Variants in AOPEP observed in about 807,000 individuals in gnomAD.
AOPEP encodes aminopeptidase O.
A neutral mutation model predicts 98.1 loss-of-function variants in AOPEP; 77 were observed. The ratio of observed to expected loss-of-function variants is 0.78; its 90% CI spans 0.65 to 0.95. AOPEP has a LOEUF of 0.95. Ranked by LOEUF, AOPEP falls within the 40% of genes least tolerant of loss-of-function variation. The pLI is 0.00. For missense variants in AOPEP, 1,024 were observed against 1,024.7 expected, an observed-to-expected ratio of 1.00 and a Z score of 0.01; for synonymous variants, 346 against 365.3, an observed-to-expected ratio of 0.95 and a Z score of 0.60.
At chr9:94,762,274 T>G (rs1006696678) in intron 2 of AOPEP, among the ~76,000 whole-genome samples, 1 of 151,728 alleles carries the variant, frequency 6.6e-6, no homozygotes, top group East Asian at 2.0e-4. Flanking sequence ...GGTGAAACCC[T>G]GTCTCTACTA....
chr9:94,822,493 C>T (rs1166464626), intron 5 of AOPEP, among the ~76,000 whole-genome samples: 1 of 152,222 alleles, frequency 6.6e-6, no homozygotes, highest in Non-Finnish European at 1.5e-5. Flanking sequence ...ATCTGATTAC[C>T]TCATGCTGAA....
At chr9:95,044,115 C>A (rs549539257) in intron 13 of AOPEP, among the ~76,000 whole-genome samples, 156 of 152,132 alleles carry the variant, frequency 1.0e-3, no homozygotes, top group African/African-American at 3.7e-3. Flanking sequence ...GCAGAGCTGC[C>A]GAGGTTAAGC....
At position 94,938,864 on chromosome 9, in the gene AOPEP, G is replaced by C. The variant is rs541195355; in HGVS notation, c.1661+10333G>C. 3.9e-5 allele frequency among the ~76,000 whole-genome samples: 6 copies of C among 152,326 alleles called. No homozygotes were observed. In the East Asian group the frequency reaches 9.6e-4, roughly 24 times the overall value. ...AGAGAACAGATGGAATCAGGTGGCT[G>C]TGTGAGGAACAGAGGCATAAGTTCG... On this transcript the variant is annotated intron_variant, in intron 7 of 16. Transcript: ENST00000375315.
intron 3 of AOPEP, among the ~76,000 whole-genome samples, chr9:94,774,175 G>T (rs867529192): frequency 1.3e-5 from 2 of 151,932 alleles, no homozygotes; most frequent in Non-Finnish European, 2.9e-5. Context: ...AGCCGGGCGT[G>T]GGGGCGGTTG....
chr9:95,093,733 C>T, the AOPEP span, among the ~76,000 whole-genome samples: 1 of 152,124 alleles, frequency 6.6e-6, no homozygotes, highest in Non-Finnish European at 1.5e-5. Context: ...ACAGTGTTCA[C>T]ACGGGTCTAG....
intron 5 of AOPEP, among the ~76,000 whole-genome samples, chr9:94,844,791 C>T (rs2042658750): frequency 6.6e-6 from 1 of 152,136 alleles, no homozygotes; most frequent in Non-Finnish European, 1.5e-5. Context: ...ATGGTCTGTT[C>T]CTAGGGTTGC....
chr9:94,999,734 A>G (rs957345727), intron 11 of AOPEP, among the ~76,000 whole-genome samples: 1 of 152,212 alleles, frequency 6.6e-6, no homozygotes, highest in Non-Finnish European at 1.5e-5. Context: ...TAGAGTATCC[A>G]GACTACAAGT....
chr9:95,114,462 G>C, the AOPEP span: 2 of 726,294 alleles, frequency 2.8e-6, no homozygotes, highest in East Asian at 2.6e-5. Context: ...CAAGCCATCC[G>C]TGCAGCCATG....
chr9:95,023,969 ACAT>A (rs1233617355), intron 13 of AOPEP, among the ~76,000 whole-genome samples: 2 of 152,238 alleles, frequency 1.3e-5, no homozygotes, highest in African/African-American at 2.4e-5. Context: ...TGATAATCAG[ACAT>A]CATTTTCAAG....
intron 10 of AOPEP, 120 bp from the exon 11 acceptor site, chr9:94,979,246 TA>T: frequency 1.6e-6 from 1 of 641,516 alleles, no homozygotes; most frequent in Non-Finnish European, 2.8e-6. Flanking sequence ...GCCCTTTCTG[TA>T]AAGCACGGGC....
intron 7 of AOPEP, among the ~76,000 whole-genome samples, chr9:94,929,782 C>T (rs1378705372): frequency 1.3e-5 from 2 of 152,212 alleles, no homozygotes; most frequent in Non-Finnish European, 2.9e-5. Flanking sequence ...ACAGGTGGTG[C>T]GCAGCACTGT....
chr9:95,107,409 A>G, the AOPEP span: 1 of 894,980 alleles, frequency 1.1e-6, no homozygotes, highest in Non-Finnish European at 1.8e-6. Context: ...GCAGCGGCCG[A>G]ATTTACACTC....
At chr9:95,131,926 T>C in the AOPEP span, among the ~76,000 whole-genome samples, 1 of 152,218 alleles carries the variant, frequency 6.6e-6, no homozygotes, top group Non-Finnish European at 1.5e-5. Flanking sequence ...TATCCCATAT[T>C]GAGGAGGATA....
chr9:94,726,950 G>C (rs1463640687), intron 1 of AOPEP, among the ~76,000 whole-genome samples, 199 bp downstream of exon 1: 2 of 152,198 alleles, frequency 1.3e-5, no homozygotes, highest in Non-Finnish European at 2.9e-5. Flanking sequence ...GGACTGGGCG[G>C]AGCGGTCACA....
In AOPEP at chr9:94,956,034, T is replaced by C. The variant is rs1280061369; in HGVS notation, c.1872+19T>C. ...TTCCCAGGTAACTTATGGGTCCTCA[T>C]GAGTCCATGATGTATGACTGGAGGG... On this transcript the variant is annotated intron_variant, in intron 9 of 16. Coordinates refer to ENST00000375315, the MANE Select transcript of AOPEP (RefSeq NM_001193329.3). 6.9e-7 allele frequency: 1 copy of C among 1,446,682 alleles called. No individual in the cohort carries two copies. The highest frequency in any genetic ancestry group is 1.7e-5 in the Admixed American group (1 of 59,770). 89.6% of individuals were successfully genotyped at this position (1,446,682 alleles called of 1,614,324 possible). A position where few individuals can be genotyped will look rare whatever the true frequency, so the allele number is the denominator to read the frequency against.
At position 95,050,954 on chromosome 9, in the gene AOPEP, G is replaced by T. The variant is rs111857790; in HGVS notation, c.2116-9740G>T. 5.3e-4 allele frequency among the ~76,000 whole-genome samples: 81 copies of T among 152,274 alleles called. 2 individuals carry two copies. Among genetic ancestry groups the T allele is most frequent in the African/African-American group, 1.9e-3 (81 of 41,542 alleles). The stretch of plus-strand genomic sequence containing the variant: ...TTCAGAATTTGCTAAGAGTGTATGT[G>T]TGTGTCCATACTTGAATCACTTGCC... On this transcript the variant is annotated intron_variant, in intron 13 of 16. Transcript: ENST00000375315.
At chr9:95,004,474 G>A (rs2061783155) in intron 11 of AOPEP, among the ~76,000 whole-genome samples, 1 of 152,092 alleles carries the variant, frequency 6.6e-6, no homozygotes, top group Non-Finnish European at 1.5e-5. Context: ...CCGGAGCCCC[G>A]AGGGGCCACT....
At chr9:95,135,533 C>G in the AOPEP span, 7 of 1,602,802 alleles carry the variant, frequency 4.4e-6, no homozygotes, top group Middle Eastern at 6.6e-4. Flanking sequence ...AAATTTTAAA[C>G]AGAAATGGCT....
At chr9:94,736,143 A>G (rs113247584) in intron 1 of AOPEP, among the ~76,000 whole-genome samples, 74 of 152,288 alleles carry the variant, frequency 4.9e-4, no homozygotes, top group African/African-American at 1.7e-3. Context: ...GCCTTTTCAA[A>G]TCATCACTGG....
Sources: allele counts gnomAD v4.1 joint callset (sites outside exome capture counted in the v4.1 genomes callset), GRCh38; gene constraint gnomAD v4.1.1; transcripts MANE v1.5; gene names NCBI Gene and HGNC (gene_info 2026-07-23, HGNC 2026-07-21).